The following CST8 variants were observed in gnomAD, a reference collection of about 807,000 sequenced individuals.
CST8 encodes cystatin 8.
Under a neutral mutation model 11.8 loss-of-function variants are expected in CST8, and 20 were observed. The observed-to-expected ratio is 1.70, with a 90% CI of 1.20 to 2.47. CST8 has a LOEUF of 2.47. CST8 is among the 30% of genes most tolerant of loss of function. CST8 has a pLI of 0.00. For synonymous variants in CST8, 77 were observed against 63.1 expected (o/e 1.22, Z -1.05); for missense variants, 196 against 167.2 (o/e 1.17, Z -0.95).
intron 3 of CST8, among the ~76,000 whole-genome samples, chr20:23,495,016 TA>T (rs1988000981): frequency 1.3e-5 from 2 of 152,162 alleles, no homozygotes; most frequent in Admixed American, 6.5e-5. Flanking sequence ...TCTTTGTGTC[TA>T]TGTGTTCTCA....
chr20:23,499,386 T>C (rs548758679), downstream of CST8, among the ~76,000 whole-genome samples: 13 of 152,236 alleles, frequency 8.5e-5, no homozygotes, highest in Non-Finnish European at 1.5e-4. Context: ...CAGCATTTAA[T>C]GTCTTTTTGC....
downstream of CST8, among the ~76,000 whole-genome samples, chr20:23,499,736 G>A (rs1988138278): frequency 6.6e-6 from 1 of 152,180 alleles, no homozygotes; most frequent in African/African-American, 2.4e-5. Flanking sequence ...ACCAGTCATG[G>A]CCATGCTGTG....
At chr20:23,498,885 T>C (rs1988121888), downstream of CST8, among the ~76,000 whole-genome samples, 1 of 152,202 alleles carries the variant, frequency 6.6e-6, no homozygotes, top group Non-Finnish European at 1.5e-5. Context: ...CAGGAAGTCA[T>C]GAGCCATGAG....
At chr20:23,500,878 C>T (rs568377229), downstream of CST8, among the ~76,000 whole-genome samples, 18 of 152,198 alleles carry the variant, frequency 1.2e-4, no homozygotes, top group African/African-American at 4.1e-4. Flanking sequence ...TTCTTGCTCT[C>T]TTCTGTAACT....
chr20:23,492,916 T>C, intron 2 of CST8, 42 bp from the exon 3 acceptor site: 1 of 1,150,758 alleles, frequency 8.7e-7, no homozygotes, highest in East Asian at 2.3e-5. Context: ...TTTAAAAAAG[T>C]ACAACTCTTT....
At chr20:23,492,469 G>A (rs2122186681) in intron 2 of CST8, among the ~76,000 whole-genome samples, 1 of 152,362 alleles carries the variant, frequency 6.6e-6, no homozygotes, top group African/African-American at 2.4e-5. Flanking sequence ...CTGAGCTGGT[G>A]GGAGGGGCTT....
the CST8 span, among the ~76,000 whole-genome samples, chr20:23,504,333 ACTC>A: frequency 6.6e-6 from 1 of 151,756 alleles, no homozygotes; most frequent in Non-Finnish European, 1.5e-5. Context: ...ACCAATGAGA[ACTC>A]CTGGCAAACA....
chr20:23,494,348 C>A (rs1169950277), intron 3 of CST8, among the ~76,000 whole-genome samples: 1 of 152,120 alleles, frequency 6.6e-6, no homozygotes, highest in Non-Finnish European at 1.5e-5. Flanking sequence ...TCTAAGATTT[C>A]CATGATACGT....
chr20:23,496,557 T>A (rs527341176), downstream of CST8, among the ~76,000 whole-genome samples: 7 of 152,308 alleles, frequency 4.6e-5, no homozygotes, highest in East Asian at 1.2e-3. Flanking sequence ...AAATTGCTAA[T>A]GAAGTTTCAG....
Position 23,491,523 on chromosome 20 carries a change from A to G in CST8, c.-143-2A>G. 1 of 677,190 alleles carries G rather than the reference A, an allele frequency of 1.5e-6. No individual in the cohort carries two copies. Among genetic ancestry groups the G allele is most frequent in the Non-Finnish European group, 2.6e-6 (1 of 387,294 alleles). The allele number at this position is 677,190 out of a possible 1,614,324, so 41.9% of individuals were successfully genotyped here. A position where few individuals can be genotyped will look rare whatever the true frequency, so the allele number is the denominator to read the frequency against. The stretch of plus-strand genomic sequence containing the variant: ...GACCCTAATGGCCTGTCTTGAATCC[A>G]GCTGGGCTGACGCTAACAGGAGGCA... On this transcript the variant is annotated splice_acceptor_variant, in intron 1 of 3. Transcript: ENST00000246012. LOFTEE classifies it low-confidence loss of function (5UTR_SPLICE).
chr20:23,493,602 G>A (rs1028215144), intron 3 of CST8, among the ~76,000 whole-genome samples: 3 of 152,198 alleles, frequency 2.0e-5, no homozygotes, highest in Admixed American at 2.0e-4. Context: ...GATTTTTGCT[G>A]GGGTCAGTCC....
At chr20:23,494,484 A>G (rs1019004392) in intron 3 of CST8, among the ~76,000 whole-genome samples, 1 of 152,118 alleles carries the variant, frequency 6.6e-6, no homozygotes, top group African/African-American at 2.4e-5. Flanking sequence ...ATCTTGATCC[A>G]GTACTTTTTA....
At chr20:23,494,349 C>T (rs1568656041) in intron 3 of CST8, among the ~76,000 whole-genome samples, 1 of 152,112 alleles carries the variant, frequency 6.6e-6, no homozygotes, top group African/African-American at 2.4e-5. Context: ...CTAAGATTTC[C>T]ATGATACGTC....
the CST8 span, among the ~76,000 whole-genome samples, chr20:23,505,077 A>G: frequency 1.3e-5 from 2 of 151,882 alleles, no homozygotes; most frequent in African/African-American, 4.8e-5. Context: ...CTCCATGTCT[A>G]AGATGACCGT....
At chr20:23,499,220 A>G (rs1378793760), downstream of CST8, among the ~76,000 whole-genome samples, 3 of 152,148 alleles carry the variant, frequency 2.0e-5, no homozygotes, top group Non-Finnish European at 2.9e-5. Context: ...TTCTATGCAC[A>G]GGTCTATTTC....
At chr20:23,501,459 G>A in the CST8 span, among the ~76,000 whole-genome samples, 5 of 152,182 alleles carry the variant, frequency 3.3e-5, no homozygotes, top group Non-Finnish European at 5.9e-5. Context: ...ATCCCGTGTC[G>A]GGTCCCCGCA....
At chr20:23,496,995 C>T (rs773903191), downstream of CST8, among the ~76,000 whole-genome samples, 1 of 152,178 alleles carries the variant, frequency 6.6e-6, no homozygotes, top group African/African-American at 2.4e-5. Context: ...GCTCTACAGA[C>T]AATTTGTGCA....
chr20:23,497,797 A>G (rs1600299117), downstream of CST8, among the ~76,000 whole-genome samples: 1 of 152,232 alleles, frequency 6.6e-6, no homozygotes, highest in Admixed American at 6.5e-5. Flanking sequence ...AAACCACCCC[A>G]TGATTCAGTT....
chr20:23,491,609 C>T lies in CST8; in HGVS notation c.-59C>T. ...AGCTGCGGCCACCCCATCCTGCCCA[C>T]AGCTCCAGCCCTGAGACGACGAGGA... is the stretch of plus-strand genomic sequence containing the variant. On this transcript the variant is annotated 5_prime_UTR_variant, in exon 2 of 4. Coordinates refer to ENST00000246012, the MANE Select transcript of CST8 (RefSeq NM_005492.4). 1.4e-6 allele frequency: 2 copies of T among 1,383,512 alleles called. No individual in the cohort carries two copies. Among genetic ancestry groups the T allele is most frequent in the Non-Finnish European group, 2.0e-6 (2 of 977,656 alleles). The allele number at this position is 1,383,512 out of a possible 1,614,324, so 85.7% of individuals were successfully genotyped here. A position where few individuals can be genotyped will look rare whatever the true frequency, so the allele number is the denominator to read the frequency against.
Sources: gnomAD v4.1 joint callset for allele counts (sites outside exome capture counted in the v4.1 genomes callset) on GRCh38, gnomAD v4.1.1 for gene constraint, MANE v1.5 for transcripts, NCBI Gene and HGNC (gene_info 2026-07-23, HGNC 2026-07-21) for gene names.